FAM184B: variants seen among roughly 807,000 people sequenced by gnomAD.
The protein encoded by FAM184B is family with sequence similarity 184 member B.
FAM184B carries 111 observed loss-of-function variants against 135.9 expected under a neutral mutation model. That is an observed-to-expected ratio of 0.82 (90% CI 0.70 to 0.96). The LOEUF (loss-of-function observed/expected upper bound fraction) is 0.96. FAM184B is among the 40% of genes least tolerant of loss of function. The pLI is 0.00. For synonymous variants in FAM184B, 552 were observed against 524.8 expected (o/e 1.05, Z -0.71); for missense variants, 1,375 against 1,323.9 (o/e 1.04, Z -0.60).
At chr4:17,642,787 C>T (rs1410131941) in intron 12 of FAM184B, among the ~76,000 whole-genome samples, 1 of 152,210 alleles carries the variant, frequency 6.6e-6, no homozygotes, top group Admixed American at 6.5e-5. Flanking sequence ...CTATAGGTGC[C>T]ACGTGAATGC....
chr4:17,697,833 A>C (rs1346290672), intron 5 of FAM184B, among the ~76,000 whole-genome samples: 1 of 152,210 alleles, frequency 6.6e-6, no homozygotes, highest in Non-Finnish European at 1.5e-5. Context: ...CTTCAGCTGT[A>C]ACCTTGACAA....
intron 1 of FAM184B, among the ~76,000 whole-genome samples, chr4:17,772,690 T>G (rs543061451): frequency 6.6e-6 from 1 of 152,320 alleles, no homozygotes; most frequent in South Asian, 2.1e-4. Flanking sequence ...GACCAAGGTG[T>G]GAGTCTGTTT....
chr4:17,633,567 G>T, intron 17 of FAM184B, 122 bp downstream of exon 17: 3 of 891,726 alleles, frequency 3.4e-6, no homozygotes, highest in Non-Finnish European at 4.9e-6. Context: ...AGTGTCCCTT[G>T]TCTAATCATC....
At chr4:17,724,140 C>CACACACTCTTACAT (rs1717592509) in intron 1 of FAM184B, among the ~76,000 whole-genome samples, 1 of 152,142 alleles carries the variant, frequency 6.6e-6, no homozygotes, top group African/African-American at 2.4e-5. Context: ...CACACTCACA[C>CACACACTCTTACAT]ACACACTCTT....
At position 17,632,042 on chromosome 4, in the gene FAM184B, A is replaced by AAT. The variant is rs1560161458; in HGVS notation, c.*488_*489dup. ...CTTTTAATAACACTGGTTTAATGTC[A>AAT]ATTTTTTTTTTTTTTTTTTTTTTTT... is the stretch of plus-strand genomic sequence containing the variant. On this transcript the variant is annotated 3_prime_UTR_variant, in exon 18 of 18. Coordinates refer to ENST00000265018, the MANE Select transcript of FAM184B (RefSeq NM_015688.2). 4.3e-5 allele frequency: 5 copies of AAT among 116,666 alleles called. No individual in the cohort carries two copies. The highest frequency in any genetic ancestry group is 1.3e-4 in the African/African-American group (4 of 31,494). The allele number at this position is 116,666 out of a possible 1,614,324, so 7.2% of individuals were successfully genotyped here. A position where few individuals can be genotyped will look rare whatever the true frequency, so the allele number is the denominator to read the frequency against.
chr4:17,660,584 T>C (rs928354690), intron 8 of FAM184B, among the ~76,000 whole-genome samples: 2 of 152,082 alleles, frequency 1.3e-5, no homozygotes, highest in African/African-American at 2.4e-5. Flanking sequence ...AGGGGGATTA[T>C]AAATAGGCCT....
At chr4:17,730,365 C>T (rs1274744712) in intron 1 of FAM184B, among the ~76,000 whole-genome samples, 1 of 152,140 alleles carries the variant, frequency 6.6e-6, no homozygotes, top group Non-Finnish European at 1.5e-5. Flanking sequence ...AGGAGAACTT[C>T]CCCAATCTAG....
intron 16 of FAM184B, 114 bp from the exon 17 acceptor site, chr4:17,634,002 AATTTC>A (rs1334835213): frequency 1.3e-6 from 1 of 788,386 alleles, no homozygotes; most frequent in African/African-American, 1.8e-5. Flanking sequence ...AAGAAGCAAC[AATTTC>A]ATTTATACAC....
At chr4:17,746,894 T>A (rs989648732) in intron 1 of FAM184B, among the ~76,000 whole-genome samples, 1 of 151,092 alleles carries the variant, frequency 6.6e-6, no homozygotes, top group Non-Finnish European at 1.5e-5. Flanking sequence ...AAAAATTAGC[T>A]GGTTATGGTG....
chr4:17,718,020 T>A, intron 1 of FAM184B, among the ~76,000 whole-genome samples: 1 of 152,222 alleles, frequency 6.6e-6, no homozygotes. Context: ...TGGGGCTAAC[T>A]TCATATGTAG....
At chr4:17,680,142 A>G (rs989932935) in intron 7 of FAM184B, among the ~76,000 whole-genome samples, 10 of 152,228 alleles carry the variant, frequency 6.6e-5, no homozygotes, top group African/African-American at 2.4e-4. Context: ...ATTCAAGCAT[A>G]TAAGGTAACA....
intron 1 of FAM184B, among the ~76,000 whole-genome samples, chr4:17,726,466 G>C (rs922283759): frequency 4.6e-5 from 7 of 151,922 alleles, no homozygotes; most frequent in Non-Finnish European, 7.4e-5. Context: ...CTGCTTCCCA[G>C]GTTCAAGTGA....
intron 7 of FAM184B, among the ~76,000 whole-genome samples, chr4:17,688,156 G>A (rs1255617586): frequency 6.6e-6 from 1 of 152,158 alleles, no homozygotes; most frequent in African/African-American, 2.4e-5. Flanking sequence ...TATCCTCCAG[G>A]CAGGCTGCTC....
chr4:17,748,125 A>G (rs1423295203), intron 1 of FAM184B, among the ~76,000 whole-genome samples: 2 of 141,752 alleles, frequency 1.4e-5, no homozygotes, highest in African/African-American at 5.1e-5. Flanking sequence ...AAAAAAAAAG[A>G]AAAGAAAGAG....
intron 1 of FAM184B, among the ~76,000 whole-genome samples, chr4:17,710,761 C>T (rs1412738969): frequency 6.6e-6 from 1 of 152,190 alleles, no homozygotes; most frequent in Non-Finnish European, 1.5e-5. Context: ...AAGAATGACT[C>T]TTAGGATGTT....
At chr4:17,711,772 C>T (rs1007404897) in intron 1 of FAM184B, among the ~76,000 whole-genome samples, 14 of 152,128 alleles carry the variant, frequency 9.2e-5, no homozygotes, top group Non-Finnish European at 1.3e-4. Context: ...CGTGAGAACA[C>T]GTCCTCATGG....
chr4:17,745,088 G>T (rs1486313612), intron 1 of FAM184B, among the ~76,000 whole-genome samples: 1 of 152,156 alleles, frequency 6.6e-6, no homozygotes, highest in African/African-American at 2.4e-5. Flanking sequence ...AACCTTCAGG[G>T]GGCTGACATC....
chr4:17,754,551 CAG>C (rs72381153), intron 1 of FAM184B, among the ~76,000 whole-genome samples: 34,259 of 128,912 alleles, frequency 0.27, 4,557 homozygotes, highest in Middle Eastern at 0.33. Flanking sequence ...AACTCTGTCT[CAG>C]AAAAAAAAAA....
Position 17,635,059 on chromosome 4 carries a change from G to A in FAM184B, c.2839C>T (p.Arg947Trp), listed in dbSNP as rs1392152441. The change falls in exon 16 of 18, where the codon CGG (arginine) becomes TGG (tryptophan). Residue 947 changes from arginine to tryptophan, a missense_variant. Transcript: ENST00000265018. ...GGGTGAGGATTGAAAGAGAAAGACC[G>A]ATTCCGGTGGGACATGGCACTGGGG... Reference protein sequence around the residue: ...AFPSAMSHRNRSFSFNPHPGY... With the variant: ...AFPSAMSHRNWSFSFNPHPGY... 16 of 1,551,840 alleles carry A rather than the reference G, an allele frequency of 1.0e-5. No homozygotes were observed. Among genetic ancestry groups the A allele is most frequent in the East Asian group, 2.4e-5 (1 of 40,920 alleles).
Sources: allele counts gnomAD v4.1 joint callset (sites outside exome capture counted in the v4.1 genomes callset), GRCh38; gene constraint gnomAD v4.1.1; transcripts MANE v1.5; gene names NCBI Gene and HGNC (gene_info 2026-07-23, HGNC 2026-07-21).